DLGAP1: variants seen among roughly 807,000 people sequenced by gnomAD.
DLGAP1 encodes the protein DLG associated protein 1.
In DLGAP1, 11 loss-of-function variants were observed where a neutral mutation model predicts 90.8. That is an observed-to-expected ratio of 0.12 (90% CI 0.08 to 0.20). The LOEUF (loss-of-function observed/expected upper bound fraction) is 0.20. DLGAP1 is among the 10% of genes least tolerant of loss of function. The probability of loss-of-function intolerance (pLI) is 1.00; values close to 1 mark genes in which losing one functional copy is unlikely to be tolerated. For missense variants in DLGAP1, 1,050 were observed against 1,333.8 expected, an observed-to-expected ratio of 0.79 and a Z score of 3.31; for synonymous variants, 558 against 540.7, an observed-to-expected ratio of 1.03 and a Z score of -0.44.
intron 1 of DLGAP1, among the ~76,000 whole-genome samples, chr18:4,199,203 C>G (rs567165663): frequency 6.6e-6 from 1 of 152,350 alleles, no homozygotes; most frequent in Admixed American, 6.5e-5. Context: ...CTGCCTGGAC[C>G]TTCTGTCCTG....
intron 1 of DLGAP1, among the ~76,000 whole-genome samples, chr18:4,254,689 ATGAAAATT>A (rs149788463): frequency 0.022 from 3,322 of 152,248 alleles, 121 homozygotes; most frequent in African/African-American, 0.076. Flanking sequence ...GTTCTGGTTT[ATGAAAATT>A]GGAAAGAGAC....
intron 10 of DLGAP1, among the ~76,000 whole-genome samples, chr18:3,524,843 A>T (rs1599056777): frequency 6.6e-6 from 1 of 152,072 alleles, no homozygotes; most frequent in Non-Finnish European, 1.5e-5. Flanking sequence ...AATTTCCCCA[A>T]CCTACTGCCC....
intron 9 of DLGAP1, among the ~76,000 whole-genome samples, chr18:3,543,112 C>T (rs1265225590): frequency 6.6e-6 from 1 of 151,334 alleles, no homozygotes; most frequent in Non-Finnish European, 1.5e-5. Context: ...AGAGGTAAAG[C>T]GACTTTCAAT....
intron 1 of DLGAP1, chr18:4,275,207 G>C (rs544653121): frequency 1.3e-5 from 2 of 152,176 alleles, no homozygotes; most frequent in South Asian, 4.1e-4. Context: ...ACTTTGACCA[G>C]TACCGTCCCA....
chr18:3,605,802 A>G (rs926650160), intron 7 of DLGAP1, among the ~76,000 whole-genome samples: 1 of 138,916 alleles, frequency 7.2e-6, no homozygotes, highest in Admixed American at 7.4e-5. Flanking sequence ...TTCCAAGGTC[A>G]CGGAGCTTTT....
Position 3,729,975 on chromosome 18 carries a change from A to G in DLGAP1, c.1351-600T>C, listed in dbSNP as rs1204574134. ...AGTGCAAGGTATGGAAACATGCCCTATATTTTCTGGCAAGATACTCACGTT... is the reference window on the plus strand; with the variant it reads ...AGTGCAAGGTATGGAAACATGCCCTGTATTTTCTGGCAAGATACTCACGTT... On this transcript the variant is annotated intron_variant, in intron 6 of 12. Transcript: ENST00000315677. The surrounding 1 kb of genome is among the most constrained non-coding windows in gnomAD (Gnocchi z 6.2). Among the ~76,000 whole-genome samples the G allele has an allele frequency of 1.3e-5, 2 of 152,214 alleles. No individual in the cohort carries two copies. The highest frequency in any genetic ancestry group is 6.5e-5 in the Admixed American group (1 of 15,290).
intron 7 of DLGAP1, among the ~76,000 whole-genome samples, chr18:3,623,525 C>A (rs1170521438): frequency 6.6e-6 from 1 of 152,120 alleles, no homozygotes; most frequent in Non-Finnish European, 1.5e-5. Context: ...CAGTGGCTCA[C>A]GCCTGTAATC....
At chr18:4,184,640 A>G (rs2077261737) in intron 1 of DLGAP1, among the ~76,000 whole-genome samples, 4 of 152,144 alleles carry the variant, frequency 2.6e-5, no homozygotes, top group Non-Finnish European at 5.9e-5. Flanking sequence ...TACTACTTGG[A>G]TAAAAAGCCA....
chr18:3,678,086 C>T (rs1206861742), intron 7 of DLGAP1, among the ~76,000 whole-genome samples: 2 of 151,384 alleles, frequency 1.3e-5, no homozygotes, highest in Non-Finnish European at 2.9e-5. Flanking sequence ...CTCAGCCTCC[C>T]GAGTAGCTGG....
At chr18:4,345,130 G>A (rs532477467) in intron 1 of DLGAP1, among the ~76,000 whole-genome samples, 4 of 152,142 alleles carry the variant, frequency 2.6e-5, no homozygotes, top group East Asian at 1.9e-4. Context: ...TGGCCCAAGC[G>A]CCAATTTACA....
intron 9 of DLGAP1, among the ~76,000 whole-genome samples, chr18:3,564,892 T>C (rs571323098): frequency 2.0e-5 from 3 of 152,332 alleles, no homozygotes; most frequent in South Asian, 2.1e-4. Flanking sequence ...GTTGATTTTT[T>C]AGTTTGTTGA....
chr18:4,443,464 T>A (rs1000986094), intron 1 of DLGAP1, among the ~76,000 whole-genome samples: 3 of 152,180 alleles, frequency 2.0e-5, no homozygotes, highest in Non-Finnish European at 4.4e-5. Context: ...AAATTTAGAA[T>A]TCATTTTTTC....
chr18:4,049,353 C>T (rs1348043290), intron 2 of DLGAP1, among the ~76,000 whole-genome samples: 1 of 152,154 alleles, frequency 6.6e-6, no homozygotes, highest in Non-Finnish European at 1.5e-5. Context: ...GCCAACTTAG[C>T]CCTGCCCCAG....
chr18:4,176,266 T>C (rs898661147), intron 1 of DLGAP1, among the ~76,000 whole-genome samples: 5 of 152,228 alleles, frequency 3.3e-5, no homozygotes, highest in African/African-American at 1.2e-4. Flanking sequence ...GGACAGTGAC[T>C]AATCATCATT....
intron 1 of DLGAP1, among the ~76,000 whole-genome samples, chr18:4,251,787 C>A (rs1461850632): frequency 6.6e-6 from 1 of 152,214 alleles, no homozygotes; most frequent in Non-Finnish European, 1.5e-5. Context: ...GCTACCCCTG[C>A]AGGAGGAAGA....
chr18:4,099,290 GTCTATCATCTA>G (rs1422874242), intron 2 of DLGAP1, among the ~76,000 whole-genome samples: 4 of 145,612 alleles, frequency 2.7e-5, no homozygotes, highest in Admixed American at 6.9e-5. Flanking sequence ...CTATCTATCT[GTCTATCATCTA>G]TCTATCTATC....
chr18:3,903,053 A>G (rs1307394243), intron 3 of DLGAP1, among the ~76,000 whole-genome samples: 1 of 152,172 alleles, frequency 6.6e-6, no homozygotes, highest in Non-Finnish European at 1.5e-5. Flanking sequence ...TGTGTTTAAG[A>G]TATTCCTTTA....
intron 2 of DLGAP1, among the ~76,000 whole-genome samples, chr18:4,006,734 C>T (rs895810181): frequency 2.6e-5 from 4 of 151,830 alleles, no homozygotes; most frequent in Admixed American, 6.6e-5. Flanking sequence ...CATCCTTGAC[C>T]CCCAGTGTTC....
At chr18:4,134,004 AAGG>A (rs146472435) in intron 2 of DLGAP1, among the ~76,000 whole-genome samples, 2,932 of 152,096 alleles carry the variant, frequency 0.019, 90 homozygotes, top group African/African-American at 0.067. Context: ...CTAAAAAAAA[AAGG>A]AGAAGTCAGG....
Sources: allele counts gnomAD v4.1 joint callset (sites outside exome capture counted in the v4.1 genomes callset), GRCh38; gene constraint gnomAD v4.1.1; non-coding constraint Gnocchi (gnomAD v3.1); transcripts MANE v1.5; gene names NCBI Gene and HGNC (gene_info 2026-07-23, HGNC 2026-07-21).